The following CFAP47 variants were observed in gnomAD, a reference collection of about 807,000 sequenced individuals.
The protein encoded by CFAP47 is cilia and flagella associated protein 47.
CFAP47 carries 29 observed loss-of-function variants against 148.1 expected under a neutral mutation model. The ratio of observed to expected loss-of-function variants is 0.20; its 90% CI spans 0.15 to 0.27. CFAP47 has a LOEUF of 0.27. CFAP47 is among the 10% of genes least tolerant of loss of function. The pLI is 1.00. For synonymous variants in CFAP47, 664 were observed against 577.3 expected (o/e 1.15, Z -2.15); for missense variants, 1,872 against 1,697.5 (o/e 1.10, Z -1.81).
In CFAP47 at chrX:36,371,823, TAC is replaced by T. The variant is rs782367581; in HGVS notation, c.9185+4702_9185+4703del. Among the ~76,000 whole-genome samples the T allele has an allele frequency of 9.4e-4, 70 of 74,656 alleles. 8 individuals are homozygous for T. Among genetic ancestry groups the T allele is most frequent in the South Asian group, 8.0e-3 (9 of 1,129 alleles). 64.8% of individuals were successfully genotyped at this position (74,656 alleles called of 115,157 possible). ...ACACACATGTATATATGTGTGCATATACACACATGTGTGTATATGTGTGTATA... is the reference window on the plus strand; with the variant it reads ...ACACACATGTATATATGTGTGCATATACACATGTGTGTATATGTGTGTATA... On this transcript the variant is annotated intron_variant, in intron 62 of 63. Coordinates refer to ENST00000378653, the MANE Select transcript of CFAP47 (RefSeq NM_001304548.2).
intron 20 of CFAP47, among the ~76,000 whole-genome samples, chrX:36,000,906 C>A (rs1936906841): frequency 9.0e-6 from 1 of 111,344 alleles, no homozygotes; most frequent in South Asian, 3.8e-4. Context: ...TGAGCCATCA[C>A]CTGTTTTTAT....
intron 2 of CFAP47, among the ~76,000 whole-genome samples, chrX:35,929,796 C>T (rs893100323): frequency 3.6e-5 from 4 of 110,552 alleles, no homozygotes; most frequent in African/African-American, 9.9e-5. Context: ...GCCAGGAGTT[C>T]GAGACCAGCC....
intron 49 of CFAP47, among the ~76,000 whole-genome samples, chrX:36,271,211 A>G (rs1046476069): frequency 5.4e-5 from 6 of 111,922 alleles, no homozygotes; most frequent in Non-Finnish European, 1.1e-4. Flanking sequence ...ACTTTATTCA[A>G]ATTTATTTGA....
At chrX:36,220,499 CCAAA>C (rs1190428016) in intron 45 of CFAP47, among the ~76,000 whole-genome samples, 5 of 109,622 alleles carry the variant, frequency 4.6e-5, no homozygotes, top group African/African-American at 1.3e-4. Context: ...GCGTGAAAAA[CCAAA>C]CAAACAAACA....
intron 27 of CFAP47, among the ~76,000 whole-genome samples, chrX:36,068,978 AG>A (rs1190056811): frequency 9.1e-6 from 1 of 109,461 alleles, no homozygotes; most frequent in Admixed American, 9.8e-5. Context: ...AAAAGAAAAA[AG>A]ATTTTTTTGA....
chrX:36,035,239 C>G (rs748358749), intron 23 of CFAP47, among the ~76,000 whole-genome samples: 3 of 111,628 alleles, frequency 2.7e-5, no homozygotes, highest in Non-Finnish European at 5.7e-5. Context: ...ATTATTCATA[C>G]ACAATTCTTA....
chrX:35,961,257 A>G (rs1046019754), intron 8 of CFAP47, among the ~76,000 whole-genome samples: 8 of 111,907 alleles, frequency 7.1e-5, no homozygotes, highest in African/African-American at 9.7e-5. Context: ...ATTTTTGCAT[A>G]TATATTCATA....
chrX:36,275,414 TCG>T (rs1491381294), intron 49 of CFAP47, among the ~76,000 whole-genome samples: 6 of 83,828 alleles, frequency 7.2e-5, no homozygotes, highest in African/African-American at 3.9e-4. Flanking sequence ...AGTGAGATCG[TCG>T]TGTGTGTGTG....
At chrX:35,984,712 A>G (rs1419003809) in intron 15 of CFAP47, among the ~76,000 whole-genome samples, 1 of 111,942 alleles carries the variant, frequency 8.9e-6, no homozygotes, top group Non-Finnish European at 1.9e-5. Context: ...TTTTTACCCA[A>G]AAGTCATTCA....
chrX:36,306,157 G>T (rs781954178), intron 54 of CFAP47, among the ~76,000 whole-genome samples: 1 of 111,604 alleles, frequency 9.0e-6, no homozygotes, highest in East Asian at 2.8e-4. Context: ...TATTTCCAGT[G>T]TAGCATTTTG....
chrX:36,343,388 A>G (rs782211118), intron 57 of CFAP47, among the ~76,000 whole-genome samples: 29 of 112,185 alleles, frequency 2.6e-4, no homozygotes, highest in African/African-American at 9.1e-4. Flanking sequence ...ATGAGATACC[A>G]TCTTATGCCA....
intron 39 of CFAP47, among the ~76,000 whole-genome samples, chrX:36,168,407 G>C (rs971956714): frequency 1.8e-5 from 2 of 111,677 alleles, no homozygotes; most frequent in Non-Finnish European, 3.8e-5. Flanking sequence ...ATCTAACTCA[G>C]ATGAATACCA....
Position 36,031,269 on chromosome X carries a change from G to T in CFAP47, c.3573G>T (p.Leu1191Phe), listed in dbSNP as rs900639752. ...YVQATALQSP[L>F]NLSSTKFVFE... ...CTCTCACAGCATTGCAATCACCATT[G>T]AACTTATCTAGTACTAAGTTTGTAT... The change falls in exon 23 of 64, where the codon TTG (leucine) becomes TTT (phenylalanine). Residue 1191 changes from leucine to phenylalanine, a missense_variant. Coordinates refer to ENST00000378653, the MANE Select transcript of CFAP47 (RefSeq NM_001304548.2). 10 of 289,664 alleles carry T rather than the reference G, an allele frequency of 3.5e-5. No individual in the cohort carries two copies. Among genetic ancestry groups the T allele is most frequent in the South Asian group, 2.1e-4 (1 of 4,754 alleles). 23.9% of individuals were successfully genotyped at this position (289,664 alleles called of 1,213,427 possible).
chrX:36,342,509 A>G (rs1273196523), intron 57 of CFAP47, among the ~76,000 whole-genome samples: 1 of 112,126 alleles, frequency 8.9e-6, no homozygotes, highest in Non-Finnish European at 1.9e-5. Flanking sequence ...ATACTTACAC[A>G]TGAAGTGACA....
rs1284098224 is a variant in CFAP47 at position 36,335,450 on chromosome X, A to G, written c.8444-12679A>G. 4.5e-5 allele frequency among the ~76,000 whole-genome samples: 5 copies of G among 111,888 alleles called. No homozygotes were observed. The East Asian group carries it at 1.4e-3, about 31-fold the overall frequency. On this transcript the variant is annotated intron_variant, in intron 57 of 63. Coordinates refer to ENST00000378653, the MANE Select transcript of CFAP47 (RefSeq NM_001304548.2). ...AAAATATATCGACTTTCTAATCCCA[A>G]GAACTATGAATATTACCTTATATGG...
At chrX:36,256,456 C>A (rs906763703) in intron 49 of CFAP47, among the ~76,000 whole-genome samples, 6 of 111,663 alleles carry the variant, frequency 5.4e-5, no homozygotes, top group Non-Finnish European at 1.1e-4. Context: ...AAGACTGTAT[C>A]ATTTGGTATA....
chrX:35,993,159 A>G (rs1016414655), intron 17 of CFAP47, 31 bp from the exon 18 acceptor site: 3 of 290,315 alleles, frequency 1.0e-5, no homozygotes, highest in African/African-American at 8.3e-5. Context: ...TTAAAGAATA[A>G]TGTATCATTT....
At chrX:36,222,660 T>C (rs1395310067) in intron 45 of CFAP47, among the ~76,000 whole-genome samples, 2 of 110,795 alleles carry the variant, frequency 1.8e-5, no homozygotes, top group East Asian at 5.7e-4. Flanking sequence ...ATAAACACTG[T>C]AAATTTTTTA....
At chrX:35,990,079 A>G (rs1936770356) in intron 16 of CFAP47, 1 of 111,800 alleles carries the variant, frequency 8.9e-6, no homozygotes, top group African/African-American at 3.2e-5. Flanking sequence ...GAAGTATAAC[A>G]TGCATATGTA....
Sources: allele counts gnomAD v4.1 joint callset (sites outside exome capture counted in the v4.1 genomes callset), GRCh38; gene constraint gnomAD v4.1.1; transcripts MANE v1.5; gene names NCBI Gene and HGNC (gene_info 2026-07-23, HGNC 2026-07-21).